CHD8: variants seen among roughly 807,000 people sequenced by gnomAD.
CHD8 encodes the protein ATP-dependent chromatin remodeler CHD8.
Under a neutral mutation model 279.2 loss-of-function variants are expected in CHD8, and 31 were observed. The ratio of observed to expected loss-of-function variants is 0.11; its 90% CI spans 0.08 to 0.15. The LOEUF (loss-of-function observed/expected upper bound fraction) is 0.15. Ranked by LOEUF, CHD8 falls within the 10% of genes least tolerant of loss-of-function variation. The pLI, the probability that CHD8 is intolerant of heterozygous loss-of-function variation, is 1.00. For missense variants in CHD8, 2,146 were observed against 3,230.5 expected (o/e 0.66, Z 8.14); for synonymous variants, 1,081 against 1,139.6 (o/e 0.95, Z 1.04).
intron 5 of CHD8, among the ~76,000 whole-genome samples, chr14:21,420,452 C>A (rs1888974423): frequency 6.6e-6 from 1 of 152,108 alleles, no homozygotes; most frequent in African/African-American, 2.4e-5. Flanking sequence ...GGAAGTGAGC[C>A]ATCTGTTGAT....
intron 1 of CHD8, 119 bp from the exon 2 acceptor site, chr14:21,431,977 G>A: frequency 1.5e-6 from 1 of 653,184 alleles, no homozygotes; most frequent in Non-Finnish European, 2.8e-6. Context: ...AGGGAAATGT[G>A]AGGAAATCTG....
intron 1 of CHD8, among the ~76,000 whole-genome samples, chr14:21,439,740 A>C (rs939379857): frequency 6.6e-6 from 1 of 152,234 alleles, no homozygotes; most frequent in South Asian, 2.1e-4. Flanking sequence ...CAATTACTTA[A>C]GACAATATCT....
intron 5 of CHD8, among the ~76,000 whole-genome samples, chr14:21,422,089 C>T (rs1219631341): frequency 6.6e-6 from 1 of 152,184 alleles, no homozygotes; most frequent in East Asian, 1.9e-4. Context: ...ACCTGTAATT[C>T]CAGCACATTG....
chr14:21,415,878 T>C lies in CHD8; in HGVS notation c.1746A>G (p.Arg582=). The change falls in exon 6 of 38, where the codon CGA becomes CGG. Residue 582 remains arginine (R), a synonymous_variant. Transcript: ENST00000646647. The stretch of plus-strand genomic sequence containing the variant: ...TATCCAGGTCCTCTGTATATTTTTT[T>C]CGCTTAACTTGGCGGTTTGAGCGTC... ...QKRRSNRQVK[R]KKYTEDLDIK... The C allele has an allele frequency of 6.2e-7, 1 of 1,613,816 alleles. No homozygotes were observed. Among genetic ancestry groups the C allele is most frequent in the Non-Finnish European group, 8.5e-7 (1 of 1,179,834 alleles).
intron 5 of CHD8, among the ~76,000 whole-genome samples, chr14:21,420,882 C>T (rs1490945331): frequency 1.3e-5 from 2 of 152,062 alleles, no homozygotes; most frequent in African/African-American, 4.8e-5. Flanking sequence ...CCTGCCTCAG[C>T]CTCCAGAGTA....
At chr14:21,436,490 G>A (rs1889784314) in intron 1 of CHD8, among the ~76,000 whole-genome samples, 1 of 152,102 alleles carries the variant, frequency 6.6e-6, no homozygotes, top group African/African-American at 2.4e-5. Context: ...CACAATTTAG[G>A]GTCAGCAAAG....
intron 37 of CHD8, among the ~76,000 whole-genome samples, chr14:21,389,330 G>T (rs888477575): frequency 2.0e-5 from 3 of 150,356 alleles, no homozygotes; most frequent in African/African-American, 7.4e-5. Flanking sequence ...ACAACTATTG[G>T]CCAGGCACAG....
intron 21 of CHD8, 111 bp downstream of exon 21, chr14:21,401,292 C>T (rs1398670507): frequency 1.3e-6 from 1 of 780,018 alleles, no homozygotes; most frequent in African/African-American, 1.8e-5. Context: ...CCCTTGTATA[C>T]AATACACCAT....
rs1306254828 is a variant in CHD8 at position 21,390,947 on chromosome 14, CT to C, written c.7181del (p.Lys2394ArgfsTer36). On this transcript the variant is annotated frameshift_variant and splice_region_variant, in exon 37 of 38. Transcript: ENST00000646647. LOFTEE classifies it high-confidence loss of function. ...VQTANSRNGK[K>X]GHHTETVFNR... ...GTGGTAATGCTGCAATTTCTCTCAC[CT>C]TTTTCCCATTTCTAGAGTTAGCTGT... 21 of 1,537,328 alleles carry C rather than the reference CT, an allele frequency of 1.4e-5. No homozygotes were observed. The highest frequency in any genetic ancestry group is 1.8e-5 in the Admixed American group (1 of 56,632).
Position 21,414,283 on chromosome 14 carries a change from A to G in CHD8, c.2142+18T>C. The G allele has an allele frequency of 8.2e-7, 1 of 1,220,946 alleles. No individual in the cohort carries two copies. Among genetic ancestry groups the G allele is most frequent in the Non-Finnish European group, 1.2e-6 (1 of 842,620 alleles). The allele number at this position is 1,220,946 out of a possible 1,614,324, so 75.6% of individuals were successfully genotyped here. On this transcript the variant is annotated intron_variant, in intron 9 of 37. Coordinates refer to ENST00000646647, the MANE Select transcript of CHD8 (RefSeq NM_001170629.2). ...GCTTCTGTGAAAGAAATGACAGGCAATACCTATTCCTAATTACCTCATGGA... is the reference window on the plus strand; with the variant it reads ...GCTTCTGTGAAAGAAATGACAGGCAGTACCTATTCCTAATTACCTCATGGA...
At chr14:21,424,338 A>G (rs1889200775) in intron 5 of CHD8, among the ~76,000 whole-genome samples, 1 of 152,192 alleles carries the variant, frequency 6.6e-6, no homozygotes, top group African/African-American at 2.4e-5. Flanking sequence ...TTGATTTCTA[A>G]GCTCTACTGT....
intron 20 of CHD8, 62 bp from the exon 21 acceptor site, chr14:21,401,575 A>G (rs1291942715): frequency 1.4e-5 from 15 of 1,043,450 alleles, no homozygotes; most frequent in Non-Finnish European, 1.7e-5. Context: ...CAAAATCAGC[A>G]ATTATGTTTT....
intron 1 of CHD8, among the ~76,000 whole-genome samples, chr14:21,443,624 G>C (rs1460887428): frequency 6.6e-6 from 1 of 151,954 alleles, no homozygotes; most frequent in African/African-American, 2.4e-5. Context: ...GGAGGCCGAG[G>C]TGGGTGGATC....
intron 7 of CHD8, 26 bp downstream of exon 7, chr14:21,415,548 T>TAA (rs1371760980): frequency 3.0e-6 from 3 of 990,502 alleles, no homozygotes; most frequent in African/African-American, 2.0e-5. Context: ...TAAATAAAAA[T>TAA]AATAATAATA....
chr14:21,455,215 G>A (rs1890355764), intron 1 of CHD8: 1 of 152,202 alleles, frequency 6.6e-6, no homozygotes, highest in African/African-American at 2.4e-5. Context: ...CGAAAGAGAT[G>A]GGTCCACTAT....
chr14:21,426,102 AC>A (rs746736752), intron 5 of CHD8, 25 bp downstream of exon 5: 2 of 1,345,944 alleles, frequency 1.5e-6, no homozygotes, highest in Non-Finnish European at 2.1e-6. Flanking sequence ...GGTTTTTTCT[AC>A]TAAATTCTTT....
intron 25 of CHD8, 54 bp from the exon 26 acceptor site, chr14:21,399,759 A>C: frequency 8.0e-7 from 1 of 1,256,034 alleles, no homozygotes. Flanking sequence ...TTAAAGTGAG[A>C]ATCCTTGCAA....
At chr14:21,438,598 A>G (rs1889878272) in intron 1 of CHD8, among the ~76,000 whole-genome samples, 1 of 149,602 alleles carries the variant, frequency 6.7e-6, no homozygotes, top group Non-Finnish European at 1.5e-5. Context: ...ACTTTGGGAG[A>G]GCGAGGCGGG....
At chr14:21,451,566 T>C (rs1382782507) in intron 1 of CHD8, among the ~76,000 whole-genome samples, 1 of 112,068 alleles carries the variant, frequency 8.9e-6, no homozygotes, top group Non-Finnish European at 1.7e-5. Context: ...AGTGAGACTC[T>C]GTCTCAAAAA....
Sources: allele counts gnomAD v4.1 joint callset (sites outside exome capture counted in the v4.1 genomes callset), GRCh38; gene constraint gnomAD v4.1.1; transcripts MANE v1.5; gene names NCBI Gene and HGNC (gene_info 2026-07-23, HGNC 2026-07-21).